Variants in SYT7 observed in about 807,000 individuals in gnomAD.
SYT7 encodes synaptotagmin 7.
Under a neutral mutation model 75.1 loss-of-function variants are expected in SYT7, and 29 were observed. The ratio of observed to expected loss-of-function variants is 0.39; its 90% CI spans 0.29 to 0.53. The LOEUF (loss-of-function observed/expected upper bound fraction) is 0.53, where lower values mean the gene tolerates loss of function less well. Among genes scored for constraint, SYT7 ranks in the 20% least tolerant of loss-of-function variants. The pLI is 0.77. For synonymous variants in SYT7, 376 were observed against 401.7 expected, an observed-to-expected ratio of 0.94 and a Z score of 0.76; for missense variants, 693 against 953.2, an observed-to-expected ratio of 0.73 and a Z score of 3.59.
Position 61,517,477 on chromosome 11 carries a change from G to A in SYT7, c.*1150C>T, listed in dbSNP as rs147371444. 5.4e-3 allele frequency: 2,135 copies of A among 398,900 alleles called. 30 individuals are homozygous for A. The highest frequency in any genetic ancestry group is 0.036 in the East Asian group (1,011 of 28,066). The allele number at this position is 398,900 out of a possible 1,614,324, so 24.7% of individuals were successfully genotyped here. Reference sequence around the variant, plus strand: ...CAGGTGATGGACGATCAGAGACCACGCACGATGAGACGGAATGAATGGAAG... The same window carrying A: ...CAGGTGATGGACGATCAGAGACCACACACGATGAGACGGAATGAATGGAAG... On this transcript the variant is annotated 3_prime_UTR_variant, in exon 13 of 13. Transcript: ENST00000539008.
chr11:61,545,678 C>G (rs1429057651), intron 5 of SYT7, among the ~76,000 whole-genome samples: 1 of 152,200 alleles, frequency 6.6e-6, no homozygotes, highest in Non-Finnish European at 1.5e-5. Context: ...AGGCCTGCTG[C>G]CCATGGAGGG....
At chr11:61,569,892 C>G (rs1206897224) in intron 1 of SYT7, among the ~76,000 whole-genome samples, 1 of 152,216 alleles carries the variant, frequency 6.6e-6, no homozygotes, top group South Asian at 2.1e-4. Flanking sequence ...GGCCTGCACA[C>G]CCTCCTACGC....
intron 7 of SYT7, among the ~76,000 whole-genome samples, chr11:61,537,036 G>A (rs1185498907): frequency 6.6e-6 from 1 of 152,246 alleles, no homozygotes; most frequent in East Asian, 1.9e-4. Flanking sequence ...AGTGAGCAGA[G>A]AACCCAGAGA....
intron 6 of SYT7, chr11:61,539,379 G>A (rs757386200): frequency 6.6e-6 from 1 of 152,202 alleles, no homozygotes; most frequent in Admixed American, 6.5e-5. Flanking sequence ...ATTTGCCAGG[G>A]GGGGAGAAGG....
In SYT7 at chr11:61,546,316, AG is replaced by A; in HGVS notation, c.348-62del. The A allele has an allele frequency of 8.3e-7, 1 of 1,202,034 alleles. No homozygotes were observed. Among genetic ancestry groups the A allele is most frequent in the Non-Finnish European group, 1.1e-6 (1 of 903,638 alleles). 74.5% of individuals were successfully genotyped at this position (1,202,034 alleles called of 1,614,324 possible). On this transcript the variant is annotated intron_variant, in intron 4 of 12. Coordinates refer to ENST00000539008, the MANE Select transcript of SYT7 (RefSeq NM_001365809.2). The surrounding 1 kb of genome is among the most constrained non-coding windows in gnomAD (Gnocchi z 7.6). ...CACCGGGGGTGGCGGTGGGGGAGAGAGGGCAGGCCATACGTGGGGGTCGGGG... is the reference window on the plus strand; with the variant it reads ...CACCGGGGGTGGCGGTGGGGGAGAGAGGCAGGCCATACGTGGGGGTCGGGG...
At chr11:61,540,597 C>T (rs780242452) in intron 6 of SYT7, 8 of 985,522 alleles carry the variant, frequency 8.1e-6, no homozygotes, top group Non-Finnish European at 8.4e-6. Context: ...GATGCTGTTG[C>T]ATGCATGATG....
chr11:61,527,851 T>G, intron 9 of SYT7, 64 bp downstream of exon 9: 1 of 1,576,774 alleles, frequency 6.3e-7, no homozygotes, highest in Non-Finnish European at 8.6e-7. Context: ...ACAAGTGTGG[T>G]TGGGTAGGGG....
rs572138169 is a variant in SYT7 at position 61,552,370 on chromosome 11, G to A, written c.136-907C>T. ...AGGTCCAGGGCTGATATGGGCAGTC[G>A]GGGGACAGGGGCTGTGCGGGGTTTG... On this transcript the variant is annotated intron_variant, in intron 2 of 12. Transcript: ENST00000539008. Among the ~76,000 whole-genome samples, 471 of 152,228 alleles carry A rather than the reference G, an allele frequency of 3.1e-3. 6 individuals carry two copies. In the South Asian group the frequency reaches 0.037, roughly 12 times the overall value.
Position 61,516,677 on chromosome 11 carries a change from C to T in SYT7, c.*1950G>A, listed in dbSNP as rs2062155878. On this transcript the variant is annotated 3_prime_UTR_variant, in exon 13 of 13. Coordinates refer to ENST00000539008, the MANE Select transcript of SYT7 (RefSeq NM_001365809.2). This position sits in a 1 kb window ranked among gnomAD's most constrained non-coding sequence, Gnocchi z 4.6. ...GGCTGGGGGCCGCTCCCCAGCCCGC[C>T]AAAGAGGAGGATGCAGTTGGGGCCG... The T allele has an allele frequency of 6.6e-6, 1 of 152,190 alleles. No homozygotes were observed. Among genetic ancestry groups the T allele is most frequent in the Non-Finnish European group, 1.5e-5 (1 of 68,026 alleles). The allele number at this position is 152,190 out of a possible 1,614,324, so 9.4% of individuals were successfully genotyped here.
chr11:61,557,584 T>G (rs2063532217), intron 1 of SYT7, among the ~76,000 whole-genome samples: 2 of 152,146 alleles, frequency 1.3e-5, no homozygotes, highest in Non-Finnish European at 2.9e-5. Context: ...ACCTCTCCCT[T>G]CCTGACTTCC....
intron 1 of SYT7, among the ~76,000 whole-genome samples, chr11:61,558,530 AC>A (rs1485299336): frequency 1.1e-4 from 16 of 149,762 alleles, no homozygotes; most frequent in African/African-American, 4.1e-4. Flanking sequence ...ACACACACAC[AC>A]ACACATATAT....
intron 6 of SYT7, 122 bp from the exon 7 acceptor site, chr11:61,538,388 AAAG>A: frequency 1.2e-5 from 10 of 816,060 alleles, no homozygotes; most frequent in Admixed American, 3.3e-5. Flanking sequence ...AGAGAGAGAG[AAAG>A]AGAGAGAGAG....
intron 7 of SYT7, chr11:61,533,716 T>G: frequency 2.1e-6 from 2 of 971,476 alleles, no homozygotes; most frequent in Non-Finnish European, 2.4e-6. Context: ...ATTTGTGCTG[T>G]CCAGTGGAGC....
At position 61,580,762 on chromosome 11, in the gene SYT7, C is replaced by T. The variant is rs1387226444; in HGVS notation, c.31+28G>A. Reference sequence around the variant, plus strand: ...CGCTGTCCTGCCCGCCGGTGCGGGGCGCCCCAGCCCGCCGGGGCCGCGCTT... The same window carrying T: ...CGCTGTCCTGCCCGCCGGTGCGGGGTGCCCCAGCCCGCCGGGGCCGCGCTT... On this transcript the variant is annotated intron_variant, in intron 1 of 12. Coordinates refer to ENST00000539008, the MANE Select transcript of SYT7 (RefSeq NM_001365809.2). This position sits in a 1 kb window ranked among gnomAD's most constrained non-coding sequence, Gnocchi z 6.1. 1.5e-5 allele frequency: 18 copies of T among 1,234,120 alleles called. No individual in the cohort carries two copies. In the East Asian group the frequency reaches 5.0e-4, roughly 34 times the overall value. The allele number at this position is 1,234,120 out of a possible 1,614,324, so 76.4% of individuals were successfully genotyped here.
At chr11:61,585,484 C>A (rs1416080738), upstream of SYT7, among the ~76,000 whole-genome samples, 2 of 152,180 alleles carry the variant, frequency 1.3e-5, no homozygotes, top group African/African-American at 4.8e-5. Flanking sequence ...GGAGTGAGGA[C>A]TTGTTCTGTC....
intron 7 of SYT7, chr11:61,533,404 A>C (rs1590854809): frequency 1.0e-6 from 1 of 984,322 alleles, no homozygotes; most frequent in Non-Finnish European, 1.2e-6. Context: ...TTCCCCAGAA[A>C]CCCCCCACCC....
intron 7 of SYT7, 68 bp from the exon 8 acceptor site, chr11:61,533,192 G>C: frequency 1.3e-6 from 2 of 1,497,258 alleles, no homozygotes; most frequent in Non-Finnish European, 1.8e-6. Flanking sequence ...CCGGCCTGGG[G>C]GGTGGCAGGA....
intron 3 of SYT7, among the ~76,000 whole-genome samples, chr11:61,550,125 C>A (rs1011894471): frequency 4.6e-5 from 7 of 152,092 alleles, no homozygotes; most frequent in Admixed American, 6.5e-5. Context: ...GGAGTCTGGG[C>A]AACCAACCTA....
chr11:61,521,595 G>A (rs2062335249), intron 12 of SYT7, among the ~76,000 whole-genome samples: 1 of 152,174 alleles, frequency 6.6e-6, no homozygotes. Context: ...TCCTCTTTTA[G>A]GCCAGGCTGC....
Sources: gnomAD v4.1 joint callset for allele counts (sites outside exome capture counted in the v4.1 genomes callset) on GRCh38, gnomAD v4.1.1 for gene constraint, Gnocchi (gnomAD v3.1) non-coding constraint, MANE v1.5 for transcripts, NCBI Gene and HGNC (gene_info 2026-07-23, HGNC 2026-07-21) for gene names.